GPC6: variants seen among roughly 807,000 people sequenced by gnomAD.
The protein encoded by GPC6 is glypican-6.
In GPC6, 14 loss-of-function variants were observed where a neutral mutation model predicts 55.2. That is an observed-to-expected ratio of 0.25 (90% CI 0.17 to 0.40). The LOEUF is 0.40. GPC6 is among the 10% of genes least tolerant of loss of function. GPC6 has a pLI of 1.00. For missense variants in GPC6, 641 were observed against 708.5 expected (o/e 0.90, Z 1.08); for synonymous variants, 278 against 259.6 (o/e 1.07, Z -0.68).
chr13:94,248,525 T>G (rs1891261667), intron 4 of GPC6, among the ~76,000 whole-genome samples: 1 of 152,016 alleles, frequency 6.6e-6, no homozygotes, highest in Non-Finnish European at 1.5e-5. Flanking sequence ...GCATTTAAAA[T>G]TTCCCATAAA....
intron 4 of GPC6, among the ~76,000 whole-genome samples, chr13:94,040,671 G>A (rs11070073): frequency 0.42 from 63,010 of 151,702 alleles, 14,841 homozygotes; most frequent in Middle Eastern, 0.59. Flanking sequence ...ATTTCAGGTT[G>A]CAGCATGTGG....
intron 1 of GPC6, among the ~76,000 whole-genome samples, chr13:93,374,638 T>C (rs1481445554): frequency 6.6e-6 from 1 of 152,210 alleles, no homozygotes; most frequent in Non-Finnish European, 1.5e-5. Context: ...CTTTAATAAT[T>C]CTATGTCTTT....
At chr13:93,801,282 A>C (rs985212924) in intron 2 of GPC6, among the ~76,000 whole-genome samples, 2 of 152,156 alleles carry the variant, frequency 1.3e-5, no homozygotes, top group Non-Finnish European at 2.9e-5. Flanking sequence ...GGCTGTATGT[A>C]TTTAAACATA....
chr13:93,450,934 C>T (rs1268961400), intron 1 of GPC6, among the ~76,000 whole-genome samples: 1 of 152,060 alleles, frequency 6.6e-6, no homozygotes, highest in Non-Finnish European at 1.5e-5. Context: ...GTCCAGTAAG[C>T]CTGAAGGCAT....
intron 2 of GPC6, among the ~76,000 whole-genome samples, chr13:93,676,123 AAAAATATATATATATATATAT>A (rs1451847116): frequency 0.01 from 137 of 13,472 alleles, 1 homozygote; most frequent in Admixed American, 0.05. Context: ...AAAAAAAAAA[AAAAATATATATATATATATAT>A]ATATATATAT....
chr13:93,253,182 T>C (rs1029846147), intron 1 of GPC6, among the ~76,000 whole-genome samples: 4 of 152,228 alleles, frequency 2.6e-5, no homozygotes, highest in Non-Finnish European at 4.4e-5. Flanking sequence ...GTACTTTAAA[T>C]GGCAGTGACA....
At chr13:94,338,770 A>G (rs1325836570) in intron 6 of GPC6, among the ~76,000 whole-genome samples, 9 of 152,234 alleles carry the variant, frequency 5.9e-5, no homozygotes, top group African/African-American at 2.2e-4. Flanking sequence ...AAACCCATGT[A>G]AAATGCCTCG....
chr13:93,627,009 T>A (rs545480786), intron 2 of GPC6, among the ~76,000 whole-genome samples: 13 of 152,084 alleles, frequency 8.5e-5, no homozygotes, highest in African/African-American at 2.2e-4. Context: ...ACACACTTTT[T>A]TTATTATTAT....
At chr13:94,034,942 A>G (rs1883282170) in intron 4 of GPC6, among the ~76,000 whole-genome samples, 1 of 150,446 alleles carries the variant, frequency 6.6e-6, no homozygotes, top group Admixed American at 6.6e-5. Flanking sequence ...ATATAATATG[A>G]TAGGAAGTTT....
At chr13:94,021,662 ATT>A (rs1882700086) in intron 3 of GPC6, among the ~76,000 whole-genome samples, 3 of 152,138 alleles carry the variant, frequency 2.0e-5, no homozygotes, top group African/African-American at 7.2e-5. Context: ...GAACTCAATG[ATT>A]TTTGTTATTT....
chr13:94,397,680 GA>G (rs1390700231), intron 7 of GPC6, among the ~76,000 whole-genome samples: 1 of 152,154 alleles, frequency 6.6e-6, no homozygotes, highest in African/African-American at 2.4e-5. Context: ...GAACTCTCTT[GA>G]ATCATATGTA....
At chr13:93,878,635 C>T (rs1008840208) in intron 3 of GPC6, among the ~76,000 whole-genome samples, 3 of 152,076 alleles carry the variant, frequency 2.0e-5, no homozygotes, top group Non-Finnish European at 4.4e-5. Context: ...ACCTCAGCCT[C>T]CCAAAGTGCT....
intron 3 of GPC6, among the ~76,000 whole-genome samples, chr13:94,014,720 C>A (rs1272451731): frequency 6.6e-6 from 1 of 152,128 alleles, no homozygotes; most frequent in Non-Finnish European, 1.5e-5. Flanking sequence ...CCCCTGACAA[C>A]CACTAATCTA....
chr13:93,368,240 G>A (rs889430129), intron 1 of GPC6, among the ~76,000 whole-genome samples: 5 of 150,148 alleles, frequency 3.3e-5, no homozygotes, highest in Non-Finnish European at 7.4e-5. Flanking sequence ...AACTCCCTCC[G>A]TCCCTCCCTA....
At chr13:94,020,299 CCT>C (rs1294809714) in intron 3 of GPC6, among the ~76,000 whole-genome samples, 1 of 151,978 alleles carries the variant, frequency 6.6e-6, no homozygotes, top group Non-Finnish European at 1.5e-5. Context: ...TTCAGTTTTC[CCT>C]CTGTTACTGA....
In GPC6 at chr13:94,122,441, C is replaced by T. The variant is rs961930096; in HGVS notation, c.877+94547C>T. The stretch of plus-strand genomic sequence containing the variant: ...TAAAGTGTGTATTATAAATAACTGT[C>T]TCCCTGAGGTGTGTTAGGTTTGGCT... On this transcript the variant is annotated intron_variant, in intron 4 of 8. Transcript: ENST00000377047. Among the ~76,000 whole-genome samples, 6 of 152,060 alleles carry T rather than the reference C, an allele frequency of 3.9e-5. No individual in the cohort carries two copies. The South Asian group carries it at 1.2e-3, about 31-fold the overall frequency.
intron 4 of GPC6, among the ~76,000 whole-genome samples, chr13:94,162,841 AAGTT>A (rs1166830023): frequency 6.6e-6 from 1 of 152,090 alleles, no homozygotes; most frequent in African/African-American, 2.4e-5. Flanking sequence ...TAGTTTAAGT[AAGTT>A]AAATTCAGTA....
intron 4 of GPC6, among the ~76,000 whole-genome samples, chr13:94,110,097 T>C (rs1267444471): frequency 6.7e-6 from 1 of 148,582 alleles, no homozygotes; most frequent in African/African-American, 2.5e-5. Context: ...GAAAAAAAGC[T>C]GTAGTGATAG....
At chr13:94,272,463 C>CT (rs555664508) in intron 4 of GPC6, among the ~76,000 whole-genome samples, 1,928 of 85,728 alleles carry the variant, frequency 0.022, 44 homozygotes, top group East Asian at 0.041. Context: ...CTTTTCTTTT[C>CT]TTTTTTTTTT....
Sources: allele counts gnomAD v4.1 joint callset (sites outside exome capture counted in the v4.1 genomes callset), GRCh38; gene constraint gnomAD v4.1.1; transcripts MANE v1.5; gene names NCBI Gene and HGNC (gene_info 2026-07-23, HGNC 2026-07-21).